Variants in XKR4 observed in about 807,000 individuals in gnomAD.
XKR4 encodes XK related 4.
In XKR4, 12 loss-of-function variants were observed where a neutral mutation model predicts 53.9. The observed-to-expected ratio is 0.22, with a 90% CI of 0.14 to 0.36. The LOEUF (loss-of-function observed/expected upper bound fraction) is 0.36, where lower values mean the gene tolerates loss of function less well. Among genes scored for constraint, XKR4 ranks in the 10% least tolerant of loss-of-function variants. The pLI is 1.00. For missense variants in XKR4, 799 were observed against 859.5 expected (o/e 0.93, Z 0.88); for synonymous variants, 354 against 362.4 (o/e 0.98, Z 0.26).
At chr8:55,177,920 C>T (rs1319470927) in intron 1 of XKR4, among the ~76,000 whole-genome samples, 1 of 152,120 alleles carries the variant, frequency 6.6e-6, no homozygotes, top group Non-Finnish European at 1.5e-5. Context: ...TGTAGGCAGC[C>T]AAGGATCAAT....
intron 2 of XKR4, among the ~76,000 whole-genome samples, chr8:55,412,794 G>A (rs556256707): frequency 3.0e-4 from 46 of 152,328 alleles, no homozygotes; most frequent in East Asian, 7.7e-4. Context: ...TGCAATTCCC[G>A]AGGAGCCTCA....
intron 1 of XKR4, among the ~76,000 whole-genome samples, chr8:55,196,341 G>A (rs529970235): frequency 6.6e-5 from 10 of 151,796 alleles, no homozygotes; most frequent in East Asian, 5.8e-4. Flanking sequence ...ACCACCATGC[G>A]CAGCTAATTT....
At chr8:55,301,788 T>A (rs889066903) in intron 1 of XKR4, among the ~76,000 whole-genome samples, 11 of 152,390 alleles carry the variant, frequency 7.2e-5, no homozygotes, top group African/African-American at 2.6e-4. Context: ...GCTGCATAAA[T>A]GTCTTCTTTT....
intron 1 of XKR4, among the ~76,000 whole-genome samples, chr8:55,146,265 G>A (rs1438774808): frequency 1.3e-5 from 2 of 152,196 alleles, no homozygotes; most frequent in Non-Finnish European, 2.9e-5. Context: ...GCTGACATGA[G>A]CTTGGCAGAG....
At chr8:55,498,783 A>G (rs1806394851) in intron 2 of XKR4, among the ~76,000 whole-genome samples, 1 of 151,988 alleles carries the variant, frequency 6.6e-6, no homozygotes, top group Non-Finnish European at 1.5e-5. Context: ...AGACAGAGAC[A>G]GAGAGAGACA....
intron 1 of XKR4, among the ~76,000 whole-genome samples, chr8:55,207,802 G>C (rs1209019108): frequency 6.6e-6 from 1 of 152,062 alleles, no homozygotes; most frequent in Non-Finnish European, 1.5e-5. Context: ...AATCAATTTG[G>C]GCCATGTGAT....
chr8:55,148,234 G>A (rs900384183), intron 1 of XKR4, among the ~76,000 whole-genome samples: 10 of 151,930 alleles, frequency 6.6e-5, no homozygotes, highest in South Asian at 4.2e-4. Flanking sequence ...GTGTAACCCC[G>A]TCTCTACTAA....
intron 1 of XKR4, among the ~76,000 whole-genome samples, chr8:55,332,623 T>A (rs1803398142): frequency 6.6e-6 from 1 of 152,096 alleles, no homozygotes; most frequent in African/African-American, 2.4e-5. Flanking sequence ...AAATATATCA[T>A]CCCACTGCCA....
intron 1 of XKR4, among the ~76,000 whole-genome samples, chr8:55,111,682 T>C (rs1417630807): frequency 6.6e-6 from 1 of 152,188 alleles, no homozygotes; most frequent in Non-Finnish European, 1.5e-5. Flanking sequence ...CTAAGATATA[T>C]ACCATATAGA....
chr8:55,313,434 C>T (rs1206395183), intron 1 of XKR4, among the ~76,000 whole-genome samples: 1 of 152,104 alleles, frequency 6.6e-6, no homozygotes, highest in Non-Finnish European at 1.5e-5. Flanking sequence ...GAGGCACTGC[C>T]CCTGGCAGTT....
intron 2 of XKR4, chr8:55,517,108 G>A (rs1220140831): frequency 1.3e-5 from 2 of 152,022 alleles, no homozygotes; most frequent in African/African-American, 2.4e-5. Context: ...TGGAATAATA[G>A]ACATTGGAGA....
chr8:55,436,816 C>G (rs1300294921), intron 2 of XKR4, among the ~76,000 whole-genome samples: 1 of 152,176 alleles, frequency 6.6e-6, no homozygotes, highest in Non-Finnish European at 1.5e-5. Context: ...CTTTATGGAC[C>G]TTTTGAGCTT....
intron 2 of XKR4, chr8:55,517,589 C>T (rs1023189470): frequency 1.3e-5 from 2 of 152,126 alleles, no homozygotes; most frequent in African/African-American, 4.8e-5. Flanking sequence ...CAAGGGCGAG[C>T]ACAGCATTTT....
intron 2 of XKR4, among the ~76,000 whole-genome samples, chr8:55,481,547 G>A (rs919943260): frequency 6.6e-6 from 1 of 152,160 alleles, no homozygotes; most frequent in Non-Finnish European, 1.5e-5. Context: ...TTGACAATGG[G>A]ATCTAATTAA....
chr8:55,376,107 A>T (rs1280929108), intron 2 of XKR4, among the ~76,000 whole-genome samples: 1 of 152,060 alleles, frequency 6.6e-6, no homozygotes, highest in Admixed American at 6.5e-5. Context: ...TATGTACCAC[A>T]TTTTCTCTAA....
At chr8:55,353,413 G>C (rs980713197) in intron 1 of XKR4, among the ~76,000 whole-genome samples, 1 of 152,168 alleles carries the variant, frequency 6.6e-6, no homozygotes, top group Non-Finnish European at 1.5e-5. Flanking sequence ...GCCTCTACAA[G>C]CTGAGGAATG....
intron 2 of XKR4, among the ~76,000 whole-genome samples, chr8:55,414,035 CAT>C (rs1467959544): frequency 7.2e-5 from 11 of 152,236 alleles, no homozygotes; most frequent in Admixed American, 3.9e-4. Context: ...TTTATGATCA[CAT>C]GTTATAAAAT....
intron 1 of XKR4, among the ~76,000 whole-genome samples, chr8:55,149,995 A>C (rs1390926643): frequency 6.6e-6 from 1 of 152,242 alleles, no homozygotes. Flanking sequence ...CTTCAAGCTC[A>C]AAGATTTAGA....
intron 1 of XKR4, among the ~76,000 whole-genome samples, chr8:55,167,736 G>A (rs1817089483): frequency 6.6e-6 from 1 of 152,198 alleles, no homozygotes; most frequent in African/African-American, 2.4e-5. Context: ...ATGAGTGTTA[G>A]AGTCATACAA....
Sources: allele counts gnomAD v4.1 joint callset (sites outside exome capture counted in the v4.1 genomes callset), GRCh38; gene constraint gnomAD v4.1.1; transcripts MANE v1.5; gene names NCBI Gene and HGNC (gene_info 2026-07-23, HGNC 2026-07-21).